Variants in TSPAN9 observed in about 807,000 individuals in gnomAD.
The protein encoded by TSPAN9 is tetraspanin-9.
Under a neutral mutation model 31.0 loss-of-function variants are expected in TSPAN9, and 16 were observed. That is an observed-to-expected ratio of 0.52 (90% confidence interval 0.35 to 0.78). The LOEUF (loss-of-function observed/expected upper bound fraction) is 0.78, where lower values mean the gene tolerates loss of function less well. Among genes scored for constraint, TSPAN9 ranks in the 30% least tolerant of loss-of-function variants. The probability of loss-of-function intolerance (pLI) is 0.01; values close to 1 mark genes in which losing one functional copy is unlikely to be tolerated. For missense variants in TSPAN9, 272 were observed against 312.5 expected (o/e 0.87, Z 0.98); for synonymous variants, 145 against 121.6 (o/e 1.19, Z -1.27).
At chr12:3,270,050 T>C (rs1056674007) in intron 3 of TSPAN9, among the ~76,000 whole-genome samples, 3 of 152,236 alleles carry the variant, frequency 2.0e-5, no homozygotes, top group Admixed American at 6.5e-5. Flanking sequence ...ACACGTCATT[T>C]TGTGGTCCTT....
intron 2 of TSPAN9, among the ~76,000 whole-genome samples, chr12:3,154,069 T>C (rs2098341158): frequency 6.6e-6 from 1 of 152,144 alleles, no homozygotes; most frequent in Non-Finnish European, 1.5e-5. Context: ...TCTGTTTCTC[T>C]GTCTAGCTGT....
intron 2 of TSPAN9, among the ~76,000 whole-genome samples, chr12:3,090,289 C>G (rs1298366578): frequency 1.3e-5 from 2 of 152,164 alleles, no homozygotes; most frequent in African/African-American, 4.8e-5. Flanking sequence ...CATAGACCAC[C>G]CCAAAATATA....
At position 3,285,511 on chromosome 12, in the gene TSPAN9, T is replaced by C. The variant is rs1862998276; in HGVS notation, c.*2395T>C. 1 of 152,190 alleles carries C rather than the reference T, an allele frequency of 6.6e-6. No individual in the cohort carries two copies. Among genetic ancestry groups the C allele is most frequent in the South Asian group, 2.1e-4 (1 of 4,826 alleles). 9.4% of individuals were successfully genotyped at this position (152,190 alleles called of 1,614,324 possible). ...TCCCCACGCTGCCTTCTTTACTCAC[T>C]CTGCGCTTGGCCGTTTTGTTATTTG... is the stretch of plus-strand genomic sequence containing the variant. On this transcript the variant is annotated 3_prime_UTR_variant, in exon 9 of 9. Coordinates refer to ENST00000011898, the MANE Select transcript of TSPAN9 (RefSeq NM_006675.5).
chr12:3,122,498 C>T (rs2098325602), intron 2 of TSPAN9, among the ~76,000 whole-genome samples: 1 of 151,952 alleles, frequency 6.6e-6, no homozygotes, highest in Non-Finnish European at 1.5e-5. Context: ...TCAAACTGGT[C>T]TCCTTCTGTC....
At chr12:3,262,982 G>T (rs1415487840) in intron 3 of TSPAN9, among the ~76,000 whole-genome samples, 1 of 152,136 alleles carries the variant, frequency 6.6e-6, no homozygotes, top group African/African-American at 2.4e-5. Context: ...CTCACAAGGG[G>T]GCGAGCAGTA....
At chr12:3,096,085 C>T (rs567567245) in intron 2 of TSPAN9, among the ~76,000 whole-genome samples, 13 of 152,196 alleles carry the variant, frequency 8.5e-5, no homozygotes, top group African/African-American at 2.2e-4. Context: ...GAGACAGCTC[C>T]GCTGCCCGCT....
chr12:3,087,435 G>A (rs986378008), intron 2 of TSPAN9, among the ~76,000 whole-genome samples: 1 of 151,094 alleles, frequency 6.6e-6, no homozygotes, highest in African/African-American at 2.4e-5. Flanking sequence ...GATTGCTTAA[G>A]CCCAGAAAGT....
rs2098396144 is a variant in TSPAN9, at chr12:3,240,708, GTC to G, written c.64-37709_64-37708del. The stretch of plus-strand genomic sequence containing the variant: ...TATGATCCTTACACTACACCAGCCT[GTC>G]TCTGCTGCACTGTGGTGTTAAATAC... On this transcript the variant is annotated intron_variant, in intron 3 of 8. Transcript: ENST00000011898. 2.0e-5 allele frequency among the ~76,000 whole-genome samples: 3 copies of G among 152,302 alleles called. No individual in the cohort carries two copies. The South Asian group carries it at 6.2e-4, about 32-fold the overall frequency.
At chr12:3,130,741 GTGTC>G (rs1565586326) in intron 2 of TSPAN9, among the ~76,000 whole-genome samples, 3 of 152,196 alleles carry the variant, frequency 2.0e-5, no homozygotes, top group African/African-American at 7.2e-5. Context: ...GCTTAGCAGA[GTGTC>G]TGGCACACAC....
Position 3,283,070 on chromosome 12 carries a change from C to T in TSPAN9, c.674C>T (p.Thr225Ile). 1 of 1,609,542 alleles carries T rather than the reference C, an allele frequency of 6.2e-7. No homozygotes were observed. Among genetic ancestry groups the T allele is most frequent in the South Asian group, 1.1e-5 (1 of 91,076 alleles). The change falls in exon 9 of 9, where the codon ACC becomes ATC. Residue 225 changes from threonine (T) to isoleucine (I), a missense_variant. Physicochemically the swap from Thr to Ile is moderately conservative, Grantham distance 89. Coordinates refer to ENST00000011898, the MANE Select transcript of TSPAN9 (RefSeq NM_006675.5). ...ATCCTGGGCATGGCCTTCTCCATGACCCTCTTCCAGCACATCCACCGGACT... is the reference window on the plus strand; with the variant it reads ...ATCCTGGGCATGGCCTTCTCCATGATCCTCTTCCAGCACATCCACCGGACT... ...MQILGMAFSM[T>I]LFQHIHRTGK...
chr12:3,188,003 G>A (rs772916509), intron 2 of TSPAN9, among the ~76,000 whole-genome samples: 6 of 152,048 alleles, frequency 3.9e-5, no homozygotes, highest in Non-Finnish European at 8.8e-5. Context: ...CCAGGGTGGC[G>A]TACCTATGGG....
chr12:3,097,067 C>T (rs566184782), intron 2 of TSPAN9, among the ~76,000 whole-genome samples: 12 of 152,056 alleles, frequency 7.9e-5, no homozygotes, highest in African/African-American at 2.9e-4. Flanking sequence ...GTGGCGAGGA[C>T]GTTGAGGGAA....
At chr12:3,250,812 A>G (rs1862233367) in intron 3 of TSPAN9, among the ~76,000 whole-genome samples, 1 of 152,210 alleles carries the variant, frequency 6.6e-6, no homozygotes, top group South Asian at 2.1e-4. Context: ...GTTGGCTGCC[A>G]GGCCCGGGGA....
chr12:3,268,514 CT>C (rs1862588461), intron 3 of TSPAN9, among the ~76,000 whole-genome samples: 1 of 63,578 alleles, frequency 1.6e-5, no homozygotes, highest in African/African-American at 5.6e-5. Flanking sequence ...CCTGCCCTCT[CT>C]GTGTTCCTGC....
At chr12:3,132,989 C>G (rs2098330484) in intron 2 of TSPAN9, among the ~76,000 whole-genome samples, 2 of 152,232 alleles carry the variant, frequency 1.3e-5, no homozygotes, top group Non-Finnish European at 2.9e-5. Flanking sequence ...AAGAGCCTCA[C>G]TCCCCAACAC....
chr12:3,082,981 T>C (rs762564449), intron 1 of TSPAN9, among the ~76,000 whole-genome samples: 66 of 152,210 alleles, frequency 4.3e-4, no homozygotes, highest in Non-Finnish European at 8.2e-4. Context: ...CAAATTTGTA[T>C]CCACAGCAAT....
Position 3,278,425 on chromosome 12 carries a change from G to A in TSPAN9, c.68G>A (p.Cys23Tyr). 1 of 1,614,134 alleles carries A rather than the reference G, an allele frequency of 6.2e-7. No individual in the cohort carries two copies. The highest frequency in any genetic ancestry group is 8.5e-7 in the Non-Finnish European group (1 of 1,180,000). Residue 23 changes from cysteine to tyrosine, a missense_variant, in exon 4 of 9, where the codon TGT becomes TAT. Transcript: ENST00000011898. Reference protein sequence around the residue: ...MFLFNLIFWLCGCGLLGVGIW... With the variant: ...MFLFNLIFWLYGCGLLGVGIW... ...TGGGCTTTCCTTCCTTTCCAGCTCT[G>A]TGGCTGTGGGCTGCTGGGAGTGGGC...
intron 3 of TSPAN9, among the ~76,000 whole-genome samples, chr12:3,216,776 C>T (rs534233833): frequency 6.6e-6 from 1 of 152,348 alleles, no homozygotes; most frequent in Admixed American, 6.5e-5. Flanking sequence ...AAAACGTCCA[C>T]GTGGGCTTTT....
At position 3,226,769 on chromosome 12, in the gene TSPAN9, TATATATATATATA is replaced by T. The variant is rs2098387827; in HGVS notation, c.63+25514_63+25526del. On this transcript the variant is annotated intron_variant, in intron 3 of 8. Transcript: ENST00000011898. ...GTATATATATATATATATATATATA[TATATATATATATA>T]TATATATATATATTTTTTTTTTTTT... 1.1e-3 allele frequency among the ~76,000 whole-genome samples: 4 copies of T among 3,672 alleles called. 1 individual carries two copies. Among genetic ancestry groups the T allele is most frequent in the Non-Finnish European group, 2.1e-3 (3 of 1,400 alleles). The allele number at this position is 3,672 out of a possible 152,430, so 2.4% of individuals were successfully genotyped here. A position where few individuals can be genotyped will look rare whatever the true frequency, so the allele number is the denominator to read the frequency against.
Sources: allele counts gnomAD v4.1 joint callset (sites outside exome capture counted in the v4.1 genomes callset), GRCh38; gene constraint gnomAD v4.1.1; transcripts MANE v1.5; gene names NCBI Gene and HGNC (gene_info 2026-07-23, HGNC 2026-07-21).